The following LRRC4C variants were observed in gnomAD, a reference collection of about 807,000 sequenced individuals.
LRRC4C encodes leucine rich repeat containing 4C.
Under a neutral mutation model 33.6 loss-of-function variants are expected in LRRC4C, and 5 were observed. That is an observed-to-expected ratio of 0.15 (90% CI 0.08 to 0.31). The LOEUF is 0.31. LRRC4C is among the 10% of genes least tolerant of loss of function. The pLI is 1.00. For synonymous variants in LRRC4C, 329 were observed against 302.0 expected (o/e 1.09, Z -0.93); for missense variants, 560 against 796.7 (o/e 0.70, Z 3.58).
chr11:41,180,488 A>G (rs1306380762), intron 1 of LRRC4C, among the ~76,000 whole-genome samples: 2 of 152,178 alleles, frequency 1.3e-5, no homozygotes, highest in Non-Finnish European at 2.9e-5. Flanking sequence ...AAAAAAGACT[A>G]ACTAACTCAC....
At chr11:40,854,943 T>C (rs1449779783) in intron 2 of LRRC4C, among the ~76,000 whole-genome samples, 2 of 152,126 alleles carry the variant, frequency 1.3e-5, no homozygotes, top group Non-Finnish European at 2.9e-5. Flanking sequence ...AAAAGACACA[T>C]ATGCTAAAAC....
At chr11:40,739,571 A>T (rs1042345130) in intron 2 of LRRC4C, among the ~76,000 whole-genome samples, 1 of 152,006 alleles carries the variant, frequency 6.6e-6, no homozygotes, top group Non-Finnish European at 1.5e-5. Flanking sequence ...CCCACCCAAA[A>T]CTCAACTTGA....
At chr11:41,330,178 A>C (rs1477990089) in intron 1 of LRRC4C, among the ~76,000 whole-genome samples, 1 of 152,206 alleles carries the variant, frequency 6.6e-6, no homozygotes, top group Non-Finnish European at 1.5e-5. Flanking sequence ...GAGTCTGGGT[A>C]GAGGGAAGAG....
At chr11:40,644,444 C>T (rs539881169) in intron 3 of LRRC4C, among the ~76,000 whole-genome samples, 103 of 152,218 alleles carry the variant, frequency 6.8e-4, no homozygotes, top group East Asian at 1.9e-4. Context: ...AAAATAAAAA[C>T]TTATATTTAC....
chr11:40,117,905 A>G (rs776986627), intron 6 of LRRC4C, among the ~76,000 whole-genome samples: 1 of 151,676 alleles, frequency 6.6e-6, no homozygotes. Context: ...GTTAATACAG[A>G]AAAAGGACTT....
chr11:41,099,431 C>T (rs1384978381), intron 1 of LRRC4C, among the ~76,000 whole-genome samples: 1 of 148,172 alleles, frequency 6.7e-6, no homozygotes, highest in Non-Finnish European at 1.5e-5. Context: ...AACATAGATA[C>T]AAAAATCCTC....
chr11:41,407,271 C>T (rs1954277573), intron 1 of LRRC4C, among the ~76,000 whole-genome samples: 1 of 150,596 alleles, frequency 6.6e-6, no homozygotes, highest in South Asian at 2.1e-4. Context: ...GATTTAAATC[C>T]AGGTCTGTTT....
chr11:40,219,213 C>T (rs1864224007), intron 5 of LRRC4C, among the ~76,000 whole-genome samples: 1 of 152,192 alleles, frequency 6.6e-6, no homozygotes, highest in South Asian at 2.1e-4. Flanking sequence ...TTTAGTCACA[C>T]TCGGTTTATT....
At chr11:41,258,122 G>T (rs1948862037) in intron 1 of LRRC4C, among the ~76,000 whole-genome samples, 1 of 151,936 alleles carries the variant, frequency 6.6e-6, no homozygotes, top group Non-Finnish European at 1.5e-5. Context: ...TCAACACATG[G>T]TGCTGAAATA....
chr11:40,281,800 A>T (rs887544541), intron 4 of LRRC4C, among the ~76,000 whole-genome samples: 3 of 152,188 alleles, frequency 2.0e-5, no homozygotes, highest in Admixed American at 2.0e-4. Context: ...ATAACAGGTT[A>T]TTTTAATAAT....
At chr11:40,442,312 T>A (rs957945901) in intron 3 of LRRC4C, among the ~76,000 whole-genome samples, 1 of 152,072 alleles carries the variant, frequency 6.6e-6, no homozygotes, top group African/African-American at 2.4e-5. Flanking sequence ...TTTTGTGCCA[T>A]GGCAAGAAAA....
chr11:41,057,857 A>T (rs116049243), intron 1 of LRRC4C, among the ~76,000 whole-genome samples: 2,965 of 152,166 alleles, frequency 0.019, 60 homozygotes, highest in African/African-American at 0.051. Context: ...ATCTGTCAGG[A>T]TGAATTGTGT....
intron 3 of LRRC4C, among the ~76,000 whole-genome samples, chr11:40,630,132 A>G (rs1464508200): frequency 6.6e-6 from 1 of 152,124 alleles, no homozygotes; most frequent in Non-Finnish European, 1.5e-5. Context: ...TTTCTGATGC[A>G]TTCTTATTAT....
At chr11:41,269,065 C>T (rs1056989554) in intron 1 of LRRC4C, among the ~76,000 whole-genome samples, 1 of 152,026 alleles carries the variant, frequency 6.6e-6, no homozygotes, top group Non-Finnish European at 1.5e-5. Context: ...ATACTAATAG[C>T]ATTGGGTAAC....
chr11:40,213,073 G>A (rs1336375681), intron 5 of LRRC4C, among the ~76,000 whole-genome samples: 2 of 152,062 alleles, frequency 1.3e-5, no homozygotes, highest in Non-Finnish European at 1.5e-5. Context: ...TTAACAAAAG[G>A]ACCATAACTT....
intron 2 of LRRC4C, among the ~76,000 whole-genome samples, chr11:40,922,769 A>G (rs1957237212): frequency 2.0e-5 from 3 of 152,254 alleles, no homozygotes; most frequent in Admixed American, 2.0e-4. Context: ...GTAATATATC[A>G]GTGATAGTTG....
At chr11:41,279,720 C>T (rs1949604230) in intron 1 of LRRC4C, among the ~76,000 whole-genome samples, 1 of 152,102 alleles carries the variant, frequency 6.6e-6, no homozygotes, top group South Asian at 2.1e-4. Context: ...GGAAATTTGA[C>T]TCCATGCATT....
At chr11:40,705,269 C>T (rs7941999) in intron 2 of LRRC4C, among the ~76,000 whole-genome samples, 6,050 of 152,016 alleles carry the variant, frequency 0.04, 406 homozygotes, top group African/African-American at 0.14. Context: ...AGGTTTGTTA[C>T]GTATGTATAT....
intron 2 of LRRC4C, among the ~76,000 whole-genome samples, chr11:40,811,308 GAATT>G (rs1951477649): frequency 1.3e-5 from 2 of 151,974 alleles, no homozygotes; most frequent in Admixed American, 1.3e-4. Flanking sequence ...AAGATTATGT[GAATT>G]AATTATGTTG....
Sources: allele counts gnomAD v4.1 joint callset (sites outside exome capture counted in the v4.1 genomes callset), GRCh38; gene constraint gnomAD v4.1.1; transcripts MANE v1.5; gene names NCBI Gene and HGNC (gene_info 2026-07-23, HGNC 2026-07-21).